The following BCKDHB variants were observed in gnomAD, a reference collection of about 807,000 sequenced individuals.
The protein encoded by BCKDHB is branched chain keto acid dehydrogenase E1 subunit beta.
Under a neutral mutation model 48.5 loss-of-function variants are expected in BCKDHB, and 41 were observed. The observed-to-expected ratio is 0.85, with a 90% confidence interval of 0.66 to 1.10. The LOEUF is 1.10. Among genes scored for constraint, BCKDHB ranks in the 50% least tolerant of loss-of-function variants. The probability of loss-of-function intolerance (pLI) is 0.00; values close to 1 mark genes in which losing one functional copy is unlikely to be tolerated. For missense variants in BCKDHB, 496 were observed against 494.2 expected, an observed-to-expected ratio of 1.00 and a Z score of -0.03; for synonymous variants, 201 against 174.8, an observed-to-expected ratio of 1.15 and a Z score of -1.18.
the BCKDHB span, among the ~76,000 whole-genome samples, chr6:80,416,754 G>T: frequency 1.4e-5 from 2 of 140,730 alleles, no homozygotes; most frequent in South Asian, 4.4e-4. Flanking sequence ...GTATATTCTG[G>T]GTTTTTTATT....
At chr6:80,123,423 T>C (rs1770157619) in intron 1 of BCKDHB, among the ~76,000 whole-genome samples, 1 of 152,212 alleles carries the variant, frequency 6.6e-6, no homozygotes, top group African/African-American at 2.4e-5. Context: ...CTCCAGCCAG[T>C]CCCTCCATTT....
chr6:80,173,516 G>C (rs1773013912), intron 6 of BCKDHB, among the ~76,000 whole-genome samples: 1 of 152,124 alleles, frequency 6.6e-6, no homozygotes, highest in Non-Finnish European at 1.5e-5. Flanking sequence ...TAGCTTATTA[G>C]AAATGAAAAT....
At chr6:80,396,838 C>CTG in the BCKDHB span, among the ~76,000 whole-genome samples, 1 of 152,190 alleles carries the variant, frequency 6.6e-6, no homozygotes, top group South Asian at 2.1e-4. Flanking sequence ...CCATGTGGAA[C>CTG]TGTAAATCAA....
intron 6 of BCKDHB, among the ~76,000 whole-genome samples, chr6:80,194,487 T>C (rs571732537): frequency 5.9e-5 from 9 of 152,304 alleles, no homozygotes; most frequent in African/African-American, 2.2e-4. Flanking sequence ...AGAGTCTATT[T>C]ATCGTTCTTT....
At chr6:80,140,451 A>G (rs918285415) in intron 3 of BCKDHB, among the ~76,000 whole-genome samples, 1 of 150,394 alleles carries the variant, frequency 6.6e-6, no homozygotes, top group African/African-American at 2.5e-5. Flanking sequence ...TGTCATCGAT[A>G]GCTCTTATTA....
At chr6:80,381,007 C>G in the BCKDHB span, among the ~76,000 whole-genome samples, 1 of 151,840 alleles carries the variant, frequency 6.6e-6, no homozygotes, top group African/African-American at 2.4e-5. Context: ...TTAATTATTT[C>G]TTTCATATCT....
chr6:80,161,648 G>T (rs752484399), intron 3 of BCKDHB, among the ~76,000 whole-genome samples: 1 of 152,138 alleles, frequency 6.6e-6, no homozygotes, highest in Non-Finnish European at 1.5e-5. Context: ...ATTCCTGTCA[G>T]TGTCCACATG....
At chr6:80,297,888 G>A (rs1271461222) in intron 9 of BCKDHB, among the ~76,000 whole-genome samples, 2 of 152,114 alleles carry the variant, frequency 1.3e-5, no homozygotes, top group African/African-American at 2.4e-5. Context: ...GTCACACAAT[G>A]CAGTGCAAAA....
chr6:80,355,615 A>G, the BCKDHB span: 9 of 152,018 alleles, frequency 5.9e-5, no homozygotes, highest in East Asian at 1.7e-3. Context: ...CCCAGAGGGC[A>G]ATTTAGACCC....
At chr6:80,420,554 G>T in the BCKDHB span, among the ~76,000 whole-genome samples, 2 of 152,312 alleles carry the variant, frequency 1.3e-5, no homozygotes, top group African/African-American at 2.4e-5. Context: ...TGTACATGCT[G>T]TTGAGATCCA....
intron 8 of BCKDHB, among the ~76,000 whole-genome samples, chr6:80,258,435 C>T (rs1289259985): frequency 6.6e-6 from 1 of 152,224 alleles, no homozygotes; most frequent in Admixed American, 6.5e-5. Context: ...GTTATTCTTC[C>T]TTAAAAAGCA....
intron 8 of BCKDHB, among the ~76,000 whole-genome samples, chr6:80,220,734 C>CTTTTTTT (rs67235328): frequency 1.6e-4 from 19 of 121,924 alleles, no homozygotes; most frequent in East Asian, 5.1e-4. Flanking sequence ...TTTTCTTTTT[C>CTTTTTTT]TTTTTTTTTT....
At chr6:80,415,713 G>C in the BCKDHB span, among the ~76,000 whole-genome samples, 3 of 152,052 alleles carry the variant, frequency 2.0e-5, no homozygotes, top group African/African-American at 7.2e-5. Context: ...GTTCATTAAG[G>C]GTATTGGCCT....
intron 8 of BCKDHB, among the ~76,000 whole-genome samples, chr6:80,226,583 A>C (rs1775688030): frequency 1.3e-5 from 2 of 152,352 alleles, no homozygotes; most frequent in South Asian, 4.1e-4. Flanking sequence ...AGTGACAGTC[A>C]TGAATATTTC....
intron 1 of BCKDHB, among the ~76,000 whole-genome samples, chr6:80,115,545 G>A (rs2127711813): frequency 6.6e-6 from 1 of 152,176 alleles, no homozygotes; most frequent in Non-Finnish European, 1.5e-5. Context: ...ATGTGAATTA[G>A]TGCCAGATTG....
chr6:80,141,540 G>A (rs1457609091), intron 3 of BCKDHB, among the ~76,000 whole-genome samples: 1 of 152,064 alleles, frequency 6.6e-6, no homozygotes, highest in African/African-American at 2.4e-5. Context: ...TTAAGTATCA[G>A]TCAGAATGTA....
chr6:80,432,677 T>C, the BCKDHB span, among the ~76,000 whole-genome samples: 7 of 152,202 alleles, frequency 4.6e-5, no homozygotes, highest in Non-Finnish European at 1.0e-4. Context: ...AGCCTACTTC[T>C]GTCAATTCAT....
intron 8 of BCKDHB, among the ~76,000 whole-genome samples, chr6:80,263,046 A>T (rs1208215034): frequency 1.3e-5 from 2 of 152,212 alleles, no homozygotes; most frequent in Non-Finnish European, 2.9e-5. Flanking sequence ...CCTAGATAAA[A>T]ATTGATTTTT....
At chr6:80,398,298 A>G in the BCKDHB span, among the ~76,000 whole-genome samples, 1 of 152,030 alleles carries the variant, frequency 6.6e-6, no homozygotes. Flanking sequence ...AGATTGGTTT[A>G]TTAAAAAAAA....
Sources: gnomAD v4.1 joint callset for allele counts (sites outside exome capture counted in the v4.1 genomes callset) on GRCh38, gnomAD v4.1.1 for gene constraint, MANE v1.5 for transcripts, NCBI Gene and HGNC (gene_info 2026-07-23, HGNC 2026-07-21) for gene names.